MRPL4: variants seen among roughly 807,000 people sequenced by gnomAD.
The protein encoded by MRPL4 is large ribosomal subunit protein uL4m.
MRPL4 carries 34 observed loss-of-function variants against 34.1 expected under a neutral mutation model. That is an observed-to-expected ratio of 1.00 (90% CI 0.76 to 1.33). The LOEUF (loss-of-function observed/expected upper bound fraction) is 1.33, where lower values mean the gene tolerates loss of function less well. Among genes scored for constraint, MRPL4 ranks in the 40% most tolerant of loss-of-function variants. MRPL4 has a pLI of 0.00. For missense variants in MRPL4, 402 were observed against 434.6 expected, an observed-to-expected ratio of 0.92 and a Z score of 0.67; for synonymous variants, 196 against 188.3, an observed-to-expected ratio of 1.04 and a Z score of -0.33.
rs773446431 is a variant in MRPL4, at chr19:10,259,742, C to A, written c.865C>A (p.Pro289Thr). Reference sequence around the variant, plus strand: ...CAGACCCCTCTACCCCTTCAGCCTGCCCTACAGCGACTTCCCCCGACCCCT... The same window carrying A: ...CAGACCCCTCTACCCCTTCAGCCTGACCTACAGCGACTTCCCCCGACCCCT... ...RYRPLYPFSL[P>T]YSDFPRPLPH... Residue 289 changes from proline (P) to threonine (T), a missense_variant, in exon 9 of 9, where the codon CCC becomes ACC. By Grantham distance (38) the Pro-to-Thr change is conservative (BLOSUM62 -1). Coordinates refer to ENST00000253099, the MANE Select transcript of MRPL4 (RefSeq NM_015956.3). The A allele has an allele frequency of 1.9e-6, 3 of 1,614,060 alleles. No homozygotes were observed. Among genetic ancestry groups the A allele is most frequent in the Non-Finnish European group, 2.5e-6 (3 of 1,179,972 alleles).
chr19:10,259,526 T>G (rs1302139248), intron 8 of MRPL4, 91 bp from the exon 9 acceptor site: 2 of 1,526,414 alleles, frequency 1.3e-6, no homozygotes, highest in Non-Finnish European at 1.8e-6. Context: ...ACGATCTCTG[T>G]AAGCACAAAG....
chr19:10,252,501 A>G, intron 2 of MRPL4, 38 bp downstream of exon 2: 4 of 1,613,806 alleles, frequency 2.5e-6, no homozygotes, highest in Non-Finnish European at 3.4e-6. Flanking sequence ...GGGCGGCGAC[A>G]GAGAGGTCTG....
intron 5 of MRPL4, 139 bp downstream of exon 5, chr19:10,256,964 C>T: frequency 1.5e-6 from 1 of 665,842 alleles, no homozygotes; most frequent in Non-Finnish European, 2.3e-6. Flanking sequence ...ACCACCTGGG[C>T]TGGTGACATC....
intron 4 of MRPL4, chr19:10,254,908 G>T (rs555304467): frequency 7.6e-6 from 2 of 264,154 alleles, no homozygotes; most frequent in Non-Finnish European, 1.5e-5. Context: ...GGGTTCAAGC[G>T]ATTCTCCTGC....
In MRPL4 at chr19:10,259,892, G is replaced by A; in HGVS notation, c.*79G>A. 1 of 1,297,926 alleles carries A rather than the reference G, an allele frequency of 7.7e-7. No homozygotes were observed. The allele number at this position is 1,297,926 out of a possible 1,614,324, so 80.4% of individuals were successfully genotyped here. A position where few individuals can be genotyped will look rare whatever the true frequency, so the allele number is the denominator to read the frequency against. ...AGGCCCACGCCCACCCTTCGAGGAA[G>A]GTGTCACCTGGACCCCTTCATTCCA... On this transcript the variant is annotated 3_prime_UTR_variant, in exon 9 of 9. Coordinates refer to ENST00000253099, the MANE Select transcript of MRPL4 (RefSeq NM_015956.3).
At chr19:10,254,850 G>C in intron 4 of MRPL4, 1 of 419,484 alleles carries the variant, frequency 2.4e-6, no homozygotes, top group Non-Finnish European at 4.4e-6. Flanking sequence ...TGTCACCCAG[G>C]CTGGAGTGCA....
chr19:10,254,260 AC>A (rs1271271276), intron 3 of MRPL4, among the ~76,000 whole-genome samples: 1 of 152,122 alleles, frequency 6.6e-6, no homozygotes, highest in African/African-American at 2.4e-5. Flanking sequence ...CAAGTGATCC[AC>A]CTGCCTTGGC....
At chr19:10,259,129 CCAAAGTCACCTCTGT>C in intron 8 of MRPL4, 1 of 485,258 alleles carries the variant, frequency 2.1e-6, no homozygotes, top group Middle Eastern at 7.3e-4. Flanking sequence ...AAAAAAAGCT[CCAAAGTCACCTCTGT>C]CAAAGCCACA....
chr19:10,254,710 A>C, intron 4 of MRPL4, 70 bp downstream of exon 4: 1 of 1,564,026 alleles, frequency 6.4e-7, no homozygotes. Flanking sequence ...GACCCAGAGG[A>C]AGCCCATCGC....
chr19:10,253,470 CAA>C (rs571009042), intron 3 of MRPL4, among the ~76,000 whole-genome samples: 9 of 102,986 alleles, frequency 8.7e-5, no homozygotes, highest in Admixed American at 2.3e-4. Flanking sequence ...CACTCTGTCT[CAA>C]AAAAAAAAAA....
intron 4 of MRPL4, among the ~76,000 whole-genome samples, chr19:10,256,022 T>G (rs1346246824): frequency 1.3e-5 from 2 of 152,034 alleles, no homozygotes; most frequent in African/African-American, 2.4e-5. Context: ...GTGCGGTGGC[T>G]CACACCTGTA....
chr19:10,259,728 A>AC lies in MRPL4; in HGVS notation c.855dup (p.Phe286LeufsTer29). The stretch of plus-strand genomic sequence containing the variant: ...CAGGACTCACGTTACAGACCCCTCT[A>AC]CCCCTTCAGCCTGCCCTACAGCGAC... On this transcript the variant is annotated frameshift_variant, in exon 9 of 9. Coordinates refer to ENST00000253099, the MANE Select transcript of MRPL4 (RefSeq NM_015956.3). LOFTEE classifies it low-confidence loss of function (END_TRUNC). 6.2e-7 allele frequency: 1 copy of AC among 1,613,646 alleles called. No individual in the cohort carries two copies.
Position 10,252,278 on chromosome 19 carries a change from G to A in MRPL4, c.25G>A (p.Ala9Thr). The change falls in exon 1 of 9, where the codon GCG (alanine) becomes ACG (threonine). Residue 9 changes from alanine to threonine, a missense_variant. Transcript: ENST00000253099. The stretch of plus-strand genomic sequence containing the variant: ...GATGCTGCAGTTCGTCCGGGCCGGG[G>A]CGCGGGCCTGGCTTCGGCCTACCGG... MLQFVRAG[A>T]RAWLRPTGSQ... is the part of the protein sequence containing the mutation. The A allele has an allele frequency of 1.9e-6, 3 of 1,608,834 alleles. No homozygotes were observed. Among genetic ancestry groups the A allele is most frequent in the South Asian group, 1.1e-5 (1 of 90,944 alleles).
intron 5 of MRPL4, 34 bp downstream of exon 5, chr19:10,256,859 T>TGGGGGGGGGGGGGGAGGGGGG: frequency 1.4e-5 from 1 of 72,686 alleles, no homozygotes; most frequent in South Asian, 2.6e-4. Flanking sequence ...CGGGGAGGGG[T>TGGGGGGGGGGGGGGAGGGGGG]GGGGGGGCCA....
intron 4 of MRPL4, 195 bp downstream of exon 4, chr19:10,254,835 C>G (rs1371638203): frequency 4.4e-6 from 2 of 459,148 alleles, no homozygotes; most frequent in Non-Finnish European, 7.9e-6. Context: ...GATGGAGTCT[C>G]ACTCTGTCAC....
rs1221322202 is a variant in MRPL4 at position 10,259,989 on chromosome 19, G to A, written c.*176G>A. On this transcript the variant is annotated 3_prime_UTR_variant, in exon 9 of 9. Transcript: ENST00000253099. ...GGCGACTCCACGGAAAGCCCAGACGGGCTTCTGCATCCATTCCCTCTTTTT... is the reference window on the plus strand; with the variant it reads ...GGCGACTCCACGGAAAGCCCAGACGAGCTTCTGCATCCATTCCCTCTTTTT... The A allele has an allele frequency of 8.0e-6, 4 of 499,050 alleles. No homozygotes were observed. Among genetic ancestry groups the A allele is most frequent in the Admixed American group, 4.0e-5 (1 of 24,696 alleles). 30.9% of individuals were successfully genotyped at this position (499,050 alleles called of 1,614,324 possible).
At chr19:10,254,966 G>A in intron 4 of MRPL4, 1 of 171,772 alleles carries the variant, frequency 5.8e-6, no homozygotes, top group Non-Finnish European at 1.2e-5. Context: ...CACCATGCAG[G>A]CTAATTTTTG....
At chr19:10,257,794 A>C (rs1247775449) in intron 5 of MRPL4, among the ~76,000 whole-genome samples, 1 of 152,058 alleles carries the variant, frequency 6.6e-6, no homozygotes. Flanking sequence ...TCCACACCAT[A>C]ACTCATGGTG....
chr19:10,252,146 C>G, upstream of MRPL4: 2 of 1,352,776 alleles, frequency 1.5e-6, no homozygotes, highest in Admixed American at 2.9e-5. Context: ...CGCTTTCCAG[C>G]GCGGAGTCGC....
Sources: allele counts gnomAD v4.1 joint callset (sites outside exome capture counted in the v4.1 genomes callset), GRCh38; gene constraint gnomAD v4.1.1; transcripts MANE v1.5; gene names NCBI Gene and HGNC (gene_info 2026-07-23, HGNC 2026-07-21).